Variants in LINGO2 observed in about 807,000 individuals in gnomAD.
LINGO2 encodes the protein leucine-rich repeat and immunoglobulin-like domain-containing nogo receptor-interacting protein 2.
A neutral mutation model predicts 30.6 loss-of-function variants in LINGO2; 14 were observed. The ratio of observed to expected loss-of-function variants is 0.46; its 90% CI spans 0.30 to 0.72. The LOEUF is 0.72. Among genes scored for constraint, LINGO2 ranks in the 30% least tolerant of loss-of-function variants. The pLI, the probability that LINGO2 is intolerant of heterozygous loss-of-function variation, is 0.07. For missense variants in LINGO2, 729 were observed against 751.7 expected (o/e 0.97, Z 0.35); for synonymous variants, 317 against 288.5 (o/e 1.10, Z -1.00).
the LINGO2 span, among the ~76,000 whole-genome samples, chr9:28,927,440 C>T: frequency 6.6e-6 from 1 of 152,078 alleles, no homozygotes; most frequent in African/African-American, 2.4e-5. Flanking sequence ...ATATCTACTC[C>T]TTAGATGAAG....
At chr9:29,046,045 T>A in the LINGO2 span, among the ~76,000 whole-genome samples, 1 of 152,142 alleles carries the variant, frequency 6.6e-6, no homozygotes, top group Non-Finnish European at 1.5e-5. Context: ...GCCAAAACTA[T>A]AGGGTATTCT....
the LINGO2 span, among the ~76,000 whole-genome samples, chr9:28,700,310 T>C: frequency 3.1e-4 from 47 of 152,176 alleles, no homozygotes; most frequent in Non-Finnish European, 5.9e-4. Context: ...AATTTCTTCC[T>C]TAGCTATTGG....
chr9:28,541,033 G>A (rs573642306), intron 1 of LINGO2, among the ~76,000 whole-genome samples: 15 of 152,242 alleles, frequency 9.9e-5, no homozygotes, highest in Non-Finnish European at 1.3e-4. Context: ...ACACATTTCT[G>A]ATAGCATTCA....
chr9:28,475,013 C>T (rs1014845761), intron 2 of LINGO2, among the ~76,000 whole-genome samples: 1 of 151,972 alleles, frequency 6.6e-6, no homozygotes, highest in Non-Finnish European at 1.5e-5. Flanking sequence ...ATTCAATCTA[C>T]AATGCATTAA....
At chr9:28,793,281 A>C in the LINGO2 span, among the ~76,000 whole-genome samples, 2 of 152,160 alleles carry the variant, frequency 1.3e-5, no homozygotes, top group Admixed American at 1.3e-4. Flanking sequence ...ATTTTAATTG[A>C]ATACAGCTAC....
intron 4 of LINGO2, among the ~76,000 whole-genome samples, chr9:28,090,471 T>G (rs933065393): frequency 1.3e-5 from 2 of 152,128 alleles, no homozygotes; most frequent in African/African-American, 4.8e-5. Flanking sequence ...AACCACATGA[T>G]TATCTCAATA....
At chr9:28,169,256 A>G (rs1828515843) in intron 4 of LINGO2, among the ~76,000 whole-genome samples, 1 of 152,244 alleles carries the variant, frequency 6.6e-6, no homozygotes, top group Admixed American at 6.5e-5. Flanking sequence ...AACTCAAACC[A>G]TTATTCATAT....
intron 1 of LINGO2, among the ~76,000 whole-genome samples, chr9:28,500,568 G>C (rs1015537027): frequency 2.0e-5 from 3 of 152,060 alleles, no homozygotes; most frequent in Non-Finnish European, 4.4e-5. Flanking sequence ...ATTGAGGCAA[G>C]ATATTTTCTC....
At chr9:27,986,163 A>G (rs1401513875) in intron 5 of LINGO2, among the ~76,000 whole-genome samples, 1 of 149,058 alleles carries the variant, frequency 6.7e-6, no homozygotes, top group African/African-American at 2.5e-5. Context: ...GAACAGGAGA[A>G]AAAAAAAACA....
chr9:28,937,036 T>C, the LINGO2 span, among the ~76,000 whole-genome samples: 112,411 of 151,850 alleles, frequency 0.74, 41,762 homozygotes, highest in Non-Finnish European at 0.78. Context: ...CAGTATTGGC[T>C]CTATTGATCT....
intron 4 of LINGO2, among the ~76,000 whole-genome samples, chr9:28,170,717 A>G (rs890479865): frequency 2.0e-5 from 3 of 152,184 alleles, no homozygotes; most frequent in African/African-American, 4.8e-5. Context: ...TCCAGCTTCA[A>G]GAGGCTTCCT....
In LINGO2 at chr9:28,392,281, C is replaced by G. The variant is rs184262815; in HGVS notation, c.-278-19413G>C. On this transcript the variant is annotated intron_variant, in intron 2 of 5. Coordinates refer to ENST00000379992, the Ensembl canonical transcript of LINGO2. ...AGATATTTTGCCTATTAATTAGGATCTAATTGACAATATGCATGAGGGAAG... is the reference window on the plus strand; with the variant it reads ...AGATATTTTGCCTATTAATTAGGATGTAATTGACAATATGCATGAGGGAAG... 3.1e-3 allele frequency among the ~76,000 whole-genome samples: 467 copies of G among 152,238 alleles called. 8 individuals carry two copies. Among genetic ancestry groups the G allele is most frequent in the African/African-American group, 0.011 (447 of 41,546 alleles).
intron 1 of LINGO2, among the ~76,000 whole-genome samples, chr9:28,544,500 C>T (rs1821845036): frequency 6.6e-6 from 1 of 152,086 alleles, no homozygotes; most frequent in Non-Finnish European, 1.5e-5. Context: ...ATGTTCATGA[C>T]TTCTGTTGAT....
At chr9:28,374,220 A>C (rs1022136471) in intron 2 of LINGO2, among the ~76,000 whole-genome samples, 1 of 147,992 alleles carries the variant, frequency 6.8e-6, no homozygotes, top group African/African-American at 2.5e-5. Flanking sequence ...TTATATATAT[A>C]TATATATATA....
chr9:28,009,355 T>TTA (rs201677465), intron 5 of LINGO2, among the ~76,000 whole-genome samples: 3 of 145,076 alleles, frequency 2.1e-5, no homozygotes, highest in East Asian at 2.0e-4. Context: ...GCACAAGTGA[T>TTA]AAAAAAAAAA....
chr9:28,516,618 T>A (rs969675475), intron 1 of LINGO2, among the ~76,000 whole-genome samples: 1 of 152,194 alleles, frequency 6.6e-6, no homozygotes, highest in African/African-American at 2.4e-5. Context: ...TTCATAGAAA[T>A]GAAATTTTAA....
the LINGO2 span, among the ~76,000 whole-genome samples, chr9:29,119,765 A>G: frequency 6.6e-6 from 1 of 151,468 alleles, no homozygotes; most frequent in African/African-American, 2.4e-5. Flanking sequence ...CACCCGGCTA[A>G]TTTTGTGTTT....
intron 3 of LINGO2, among the ~76,000 whole-genome samples, chr9:28,341,952 G>T (rs10812783): frequency 0.93 from 141,686 of 152,146 alleles, 66,352 homozygotes; most frequent in Middle Eastern, 0.99. Flanking sequence ...TCCTATAGGG[G>T]AGAGTTAGGA....
At chr9:28,033,393 GTCA>G (rs1456213552) in intron 4 of LINGO2, among the ~76,000 whole-genome samples, 1 of 152,156 alleles carries the variant, frequency 6.6e-6, no homozygotes, top group Non-Finnish European at 1.5e-5. Context: ...CTTATTAGCA[GTCA>G]TCAAAGGTTC....
Sources: gnomAD v4.1 joint callset for allele counts (sites outside exome capture counted in the v4.1 genomes callset) on GRCh38, gnomAD v4.1.1 for gene constraint, MANE v1.5 for transcripts, NCBI Gene and HGNC (gene_info 2026-07-23, HGNC 2026-07-21) for gene names.